SLC2A13: variants seen among roughly 807,000 people sequenced by gnomAD.
SLC2A13 encodes proton myo-inositol cotransporter.
Under a neutral mutation model 64.4 loss-of-function variants are expected in SLC2A13, and 32 were observed. The ratio of observed to expected loss-of-function variants is 0.50; its 90% CI spans 0.37 to 0.67. The LOEUF is 0.67. Among genes scored for constraint, SLC2A13 ranks in the 30% least tolerant of loss-of-function variants. The pLI is 0.00. For synonymous variants in SLC2A13, 338 were observed against 327.1 expected (o/e 1.03, Z -0.36); for missense variants, 743 against 829.2 (o/e 0.90, Z 1.28).
At chr12:39,785,027 T>C (rs1941134711) in intron 7 of SLC2A13, among the ~76,000 whole-genome samples, 1 of 152,168 alleles carries the variant, frequency 6.6e-6, no homozygotes, top group Non-Finnish European at 1.5e-5. Flanking sequence ...TGCAGCCTTA[T>C]GATGTAGTAG....
intron 3 of SLC2A13, among the ~76,000 whole-genome samples, chr12:39,953,755 G>A (rs1330252113): frequency 6.6e-6 from 1 of 152,048 alleles, no homozygotes; most frequent in Admixed American, 6.6e-5. Flanking sequence ...ATAACCCATA[G>A]TAAAGCAGTA....
intron 6 of SLC2A13, among the ~76,000 whole-genome samples, chr12:39,860,588 T>C (rs540331883): frequency 1.3e-5 from 2 of 152,338 alleles, no homozygotes; most frequent in Admixed American, 6.5e-5. Flanking sequence ...ATGTCCAAAA[T>C]TGCACGCATG....
chr12:39,975,044 G>A (rs1946736163), intron 3 of SLC2A13, among the ~76,000 whole-genome samples: 1 of 152,130 alleles, frequency 6.6e-6, no homozygotes, highest in East Asian at 1.9e-4. Context: ...TCTTTTCAAT[G>A]TTTTAATGTT....
chr12:39,829,004 T>C (rs1942770036), intron 7 of SLC2A13, among the ~76,000 whole-genome samples: 1 of 152,208 alleles, frequency 6.6e-6, no homozygotes, highest in African/African-American at 2.4e-5. Context: ...TATTGCATTA[T>C]ACTTTATAGC....
Position 39,968,763 on chromosome 12 carries a change from TATATATATA to T in SLC2A13, c.926-17407_926-17399del, listed in dbSNP as rs1946581718. ...TTATTTTTGTTGTTTTTTTTTGGTA[TATATATATA>T]TATATATATATATATATATATATAT... On this transcript the variant is annotated intron_variant, in intron 3 of 9. Coordinates refer to ENST00000280871, the MANE Select transcript of SLC2A13 (RefSeq NM_052885.4). Among the ~76,000 whole-genome samples the T allele has an allele frequency of 1.9e-4, 21 of 108,854 alleles. 2 individuals are homozygous for T. The highest frequency in any genetic ancestry group is 4.6e-3 in the Middle Eastern group (1 of 216). The allele number at this position is 108,854 out of a possible 152,430, so 71.4% of individuals were successfully genotyped here. A position where few individuals can be genotyped will look rare whatever the true frequency, so the allele number is the denominator to read the frequency against.
At chr12:40,040,799 G>A (rs1284502291) in intron 2 of SLC2A13, among the ~76,000 whole-genome samples, 1 of 152,144 alleles carries the variant, frequency 6.6e-6, no homozygotes. Context: ...GATAGTGATT[G>A]ACTCATATTC....
chr12:39,919,400 C>T (rs2136052878), intron 4 of SLC2A13, among the ~76,000 whole-genome samples: 1 of 152,038 alleles, frequency 6.6e-6, no homozygotes, highest in South Asian at 2.1e-4. Flanking sequence ...CAAAATAAAA[C>T]ACAAAGGTAC....
intron 4 of SLC2A13, among the ~76,000 whole-genome samples, chr12:39,879,150 C>A (rs1187454378): frequency 3.3e-5 from 5 of 152,248 alleles, no homozygotes; most frequent in Admixed American, 3.3e-4. Context: ...GCAGCCTCTG[C>A]CAAGATTTTG....
At chr12:39,902,466 A>G (rs1404622391) in intron 4 of SLC2A13, among the ~76,000 whole-genome samples, 2 of 152,114 alleles carry the variant, frequency 1.3e-5, no homozygotes, top group Non-Finnish European at 2.9e-5. Context: ...TTCAATACTC[A>G]GTTCATACTT....
intron 7 of SLC2A13, among the ~76,000 whole-genome samples, chr12:39,772,099 T>C (rs937267683): frequency 1.3e-5 from 2 of 152,110 alleles, no homozygotes; most frequent in African/African-American, 2.4e-5. Context: ...GTCATTATCA[T>C]ATAGTGCTCT....
rs539003588 is a variant in SLC2A13, at chr12:39,821,784, A to G, written c.1445+8319T>C. Among the ~76,000 whole-genome samples, 3 of 152,188 alleles carry G rather than the reference A, an allele frequency of 2.0e-5. No individual in the cohort carries two copies. In the East Asian group the frequency reaches 5.8e-4, roughly 29 times the overall value. On this transcript the variant is annotated intron_variant, in intron 7 of 9. Transcript: ENST00000280871. ...TCCTTGGCCAGAACAGCTCATGTGG[A>G]TAAGACTGAATGGGCCAGGGAAATA...
At chr12:39,781,182 A>C (rs1422455794) in intron 7 of SLC2A13, among the ~76,000 whole-genome samples, 3 of 152,340 alleles carry the variant, frequency 2.0e-5, no homozygotes, top group Non-Finnish European at 4.4e-5. Context: ...AAACTGAGAA[A>C]ATCTATCTCA....
chr12:40,098,682 T>C (rs1162348594), intron 1 of SLC2A13, among the ~76,000 whole-genome samples: 1 of 152,192 alleles, frequency 6.6e-6, no homozygotes, highest in Non-Finnish European at 1.5e-5. Context: ...CCCAGTAGCT[T>C]TGTGATCATG....
At chr12:40,087,262 C>T (rs1938615538) in intron 1 of SLC2A13, among the ~76,000 whole-genome samples, 1 of 152,178 alleles carries the variant, frequency 6.6e-6, no homozygotes, top group Non-Finnish European at 1.5e-5. Context: ...CTTGAAGCTA[C>T]TTTCAAGAGT....
intron 1 of SLC2A13, among the ~76,000 whole-genome samples, chr12:40,058,905 G>A (rs1318972770): frequency 6.6e-6 from 1 of 152,086 alleles, no homozygotes. Flanking sequence ...CTCTTAGGCT[G>A]GCTTTAGAAC....
At chr12:39,959,408 G>C (rs976290305) in intron 3 of SLC2A13, among the ~76,000 whole-genome samples, 1 of 152,230 alleles carries the variant, frequency 6.6e-6, no homozygotes, top group East Asian at 1.9e-4. Flanking sequence ...CTATAGATGC[G>C]TGCTTGTAAG....
At chr12:40,030,535 C>G (rs527387117) in intron 2 of SLC2A13, among the ~76,000 whole-genome samples, 65 of 152,250 alleles carry the variant, frequency 4.3e-4, no homozygotes, top group African/African-American at 1.5e-3. Context: ...TTTATCTACA[C>G]TTCTCATGAT....
intron 6 of SLC2A13, among the ~76,000 whole-genome samples, chr12:39,855,488 T>G (rs1033989767): frequency 1.3e-5 from 2 of 152,218 alleles, no homozygotes; most frequent in Non-Finnish European, 2.9e-5. Flanking sequence ...CTCTGATACA[T>G]CTATCAGCCT....
At chr12:39,883,213 A>T (rs892528697) in intron 4 of SLC2A13, among the ~76,000 whole-genome samples, 4 of 152,078 alleles carry the variant, frequency 2.6e-5, no homozygotes, top group East Asian at 1.9e-4. Flanking sequence ...GATTAAAGAA[A>T]TTTTTTTTAA....
Sources: gnomAD v4.1 joint callset for allele counts (sites outside exome capture counted in the v4.1 genomes callset) on GRCh38, gnomAD v4.1.1 for gene constraint, MANE v1.5 for transcripts, NCBI Gene and HGNC (gene_info 2026-07-23, HGNC 2026-07-21) for gene names.